The following KHDRBS2 variants were observed in gnomAD, a reference collection of about 807,000 sequenced individuals.
KHDRBS2 encodes KH RNA binding domain containing, signal transduction associated 2.
KHDRBS2 carries 26 observed loss-of-function variants against 44.3 expected under a neutral mutation model. The ratio of observed to expected loss-of-function variants is 0.59; its 90% CI spans 0.43 to 0.81. The LOEUF (loss-of-function observed/expected upper bound fraction) is 0.81. Ranked by LOEUF, KHDRBS2 falls within the 40% of genes least tolerant of loss-of-function variation. The probability of loss-of-function intolerance (pLI) is 0.00; values close to 1 mark genes in which losing one functional copy is unlikely to be tolerated. For synonymous variants in KHDRBS2, 194 were observed against 151.1 expected (o/e 1.28, Z -2.08); for missense variants, 476 against 433.1 (o/e 1.10, Z -0.88).
chr6:62,075,895 A>ATCTCTCTCTCTC (rs3884304), intron 2 of KHDRBS2, among the ~76,000 whole-genome samples: 4 of 147,862 alleles, frequency 2.7e-5, no homozygotes, highest in African/African-American at 5.0e-5. Flanking sequence ...ATCTCTCCCT[A>ATCTCTCTCTCTC]TCTCTCTCTC....
At chr6:61,902,994 A>G (rs2127344782) in intron 4 of KHDRBS2, among the ~76,000 whole-genome samples, 1 of 152,300 alleles carries the variant, frequency 6.6e-6, no homozygotes, top group Middle Eastern at 3.4e-3. Context: ...ATTCTTCAGC[A>G]CCTGATTATA....
intron 3 of KHDRBS2, among the ~76,000 whole-genome samples, 198 bp from the exon 4 acceptor site, chr6:61,978,410 G>C (rs1773162116): frequency 6.6e-6 from 1 of 151,970 alleles, no homozygotes; most frequent in Non-Finnish European, 1.5e-5. Context: ...TTGAGTGTTT[G>C]AATGATTTTA....
rs748476951 is a variant in KHDRBS2, at chr6:62,177,337, A to T, written c.92-25T>A. On this transcript the variant is annotated intron_variant, in intron 1 of 8. Coordinates refer to ENST00000281156, the MANE Select transcript of KHDRBS2 (RefSeq NM_152688.4). ...TCTGGAAGAAAATCACAAGAAGAAA[A>T]CAAGTGAAATGAGGAACAATGTTAT... 1.1e-4 allele frequency: 167 copies of T among 1,561,476 alleles called. 1 individual carries two copies. Among genetic ancestry groups the T allele is most frequent in the Non-Finnish European group, 7.1e-5 (81 of 1,145,700 alleles).
intron 2 of KHDRBS2, among the ~76,000 whole-genome samples, chr6:62,095,506 C>T (rs1584664456): frequency 6.6e-6 from 1 of 151,786 alleles, no homozygotes; most frequent in East Asian, 1.9e-4. Context: ...AGCCTATTAA[C>T]AAATATAGTC....
Position 61,681,033 on chromosome 6 carries a change from G to T in KHDRBS2, c.980C>A (p.Ser327Tyr). The T allele has an allele frequency of 6.2e-7, 1 of 1,611,740 alleles. No individual in the cohort carries two copies. Among genetic ancestry groups the T allele is most frequent in the Non-Finnish European group, 8.5e-7 (1 of 1,178,582 alleles). ...CCTTTGCGGTGGTGCCTTCAAGCTA[G>T]AGCGGGTTGTGGCCCATTCTTCTGG... is the stretch of plus-strand genomic sequence containing the variant. Reference protein sequence around the residue: ...YAPEEWATTRSSLKAPPQRSA... With the variant: ...YAPEEWATTRYSLKAPPQRSA... The change falls in exon 9 of 9, where the codon TCT (serine) becomes TAT (tyrosine). Residue 327 changes from serine to tyrosine, a missense_variant. Physicochemically the swap from Ser to Tyr is moderately radical, Grantham distance 144. Coordinates refer to ENST00000281156, the MANE Select transcript of KHDRBS2 (RefSeq NM_152688.4).
At chr6:61,574,405 C>T in the KHDRBS2 span, 283 of 1,522,346 alleles carry the variant, frequency 1.9e-4, 1 homozygote, top group Non-Finnish European at 2.3e-4. Flanking sequence ...GGACATAATA[C>T]AACAAGACGA....
At chr6:62,162,295 T>C (rs1461133131) in intron 2 of KHDRBS2, among the ~76,000 whole-genome samples, 2 of 152,016 alleles carry the variant, frequency 1.3e-5, no homozygotes, top group Non-Finnish European at 2.9e-5. Flanking sequence ...CTCTGAGCTG[T>C]TGTGTGTGTG....
At chr6:62,202,402 G>A (rs1278181950) in intron 1 of KHDRBS2, among the ~76,000 whole-genome samples, 1 of 151,946 alleles carries the variant, frequency 6.6e-6, no homozygotes, top group Non-Finnish European at 1.5e-5. Flanking sequence ...AATTTTCCCA[G>A]TTTCCTTTTA....
chr6:62,113,547 A>G (rs1195689372), intron 2 of KHDRBS2, among the ~76,000 whole-genome samples: 3 of 152,146 alleles, frequency 2.0e-5, no homozygotes, highest in African/African-American at 4.8e-5. Context: ...GGATGTGGAA[A>G]TAACAAACCT....
At chr6:61,740,361 G>C (rs1028126082) in intron 6 of KHDRBS2, among the ~76,000 whole-genome samples, 2 of 151,902 alleles carry the variant, frequency 1.3e-5, no homozygotes, top group Non-Finnish European at 2.9e-5. Context: ...AGAAACAGTA[G>C]GGAGTTGGAC....
chr6:61,810,481 G>T (rs1392301266), intron 6 of KHDRBS2, among the ~76,000 whole-genome samples: 1 of 152,002 alleles, frequency 6.6e-6, no homozygotes, highest in Non-Finnish European at 1.5e-5. Flanking sequence ...CCAGCCATCA[G>T]GTCACAACAT....
intron 4 of KHDRBS2, among the ~76,000 whole-genome samples, chr6:61,920,981 G>C (rs1807970535): frequency 6.6e-6 from 1 of 151,760 alleles, no homozygotes. Context: ...AAAGGAGGCA[G>C]GTGGATTACA....
chr6:61,785,085 G>A (rs1783573243), intron 6 of KHDRBS2, among the ~76,000 whole-genome samples: 1 of 151,970 alleles, frequency 6.6e-6, no homozygotes, highest in African/African-American at 2.4e-5. Flanking sequence ...GGAAGATGGA[G>A]GCTGCAATGA....
chr6:61,987,908 T>C (rs1775362312), intron 3 of KHDRBS2, among the ~76,000 whole-genome samples: 1 of 152,160 alleles, frequency 6.6e-6, no homozygotes, highest in Admixed American at 6.6e-5. Flanking sequence ...TGGTCATCTA[T>C]GAGAAGGGAA....
chr6:61,922,621 T>C (rs563603945), intron 4 of KHDRBS2, among the ~76,000 whole-genome samples: 58 of 152,110 alleles, frequency 3.8e-4, no homozygotes, highest in African/African-American at 1.3e-3. Context: ...GAGGACCAAC[T>C]AGACTAGAAA....
At position 62,121,478 on chromosome 6, in the gene KHDRBS2, T is replaced by C. The variant is rs1022158656; in HGVS notation, c.219+55707A>G. 3.3e-5 allele frequency among the ~76,000 whole-genome samples: 5 copies of C among 152,214 alleles called. 1 individual carries two copies. In the South Asian group the frequency reaches 8.3e-4, roughly 25 times the overall value. On this transcript the variant is annotated intron_variant, in intron 2 of 8. Transcript: ENST00000281156. Reference sequence around the variant, plus strand: ...GTGGTGACTCCAAGTGAAGCTACTATACCAGATGTGGTTTCATTACTTGAG... The same window carrying C: ...GTGGTGACTCCAAGTGAAGCTACTACACCAGATGTGGTTTCATTACTTGAG...
intron 6 of KHDRBS2, among the ~76,000 whole-genome samples, chr6:61,745,580 A>G (rs748447377): frequency 6.6e-6 from 1 of 152,172 alleles, no homozygotes; most frequent in Non-Finnish European, 1.5e-5. Context: ...TACACTCACC[A>G]GAAAGAGACA....
intron 6 of KHDRBS2, among the ~76,000 whole-genome samples, chr6:61,815,341 A>G (rs890294672): frequency 3.9e-5 from 6 of 152,216 alleles, no homozygotes; most frequent in Admixed American, 3.9e-4. Flanking sequence ...GAAATTTTCC[A>G]TTTAATATTC....
At chr6:61,747,025 T>C (rs1202131403) in intron 6 of KHDRBS2, among the ~76,000 whole-genome samples, 2 of 126,904 alleles carry the variant, frequency 1.6e-5, no homozygotes, top group African/African-American at 2.9e-5. Flanking sequence ...CTTAAACAAA[T>C]GTAAAAGAAA....
Sources: gnomAD v4.1 joint callset for allele counts (sites outside exome capture counted in the v4.1 genomes callset) on GRCh38, gnomAD v4.1.1 for gene constraint, MANE v1.5 for transcripts, NCBI Gene and HGNC (gene_info 2026-07-23, HGNC 2026-07-21) for gene names.